Variants in NUP153 observed in about 807,000 individuals in gnomAD.
NUP153 encodes the protein nuclear pore complex protein Nup153.
A neutral mutation model predicts 134.6 loss-of-function variants in NUP153; 27 were observed. The observed-to-expected ratio is 0.20, with a 90% CI of 0.15 to 0.28. The LOEUF is 0.28. Ranked by LOEUF, NUP153 falls within the 10% of genes least tolerant of loss-of-function variation. The probability of loss-of-function intolerance (pLI) is 1.00; values close to 1 mark genes in which losing one functional copy is unlikely to be tolerated. For synonymous variants in NUP153, 640 were observed against 623.5 expected (o/e 1.03, Z -0.40); for missense variants, 1,821 against 1,731.3 (o/e 1.05, Z -0.92).
At chr6:17,642,887 G>A (rs1765904110) in intron 14 of NUP153, among the ~76,000 whole-genome samples, 1 of 152,156 alleles carries the variant, frequency 6.6e-6, no homozygotes, top group African/African-American at 2.4e-5. Flanking sequence ...TAAGAACCTT[G>A]AAACCACTGT....
In NUP153 at chr6:17,666,429, C is replaced by T. The variant is rs6914067; in HGVS notation, c.1069-1044G>A. ...ATTCAGGAGGCTGAGGCAGGAGAAT[C>T]GTTTGAACCCGGAGGCAGAGCTTTC... On this transcript the variant is annotated intron_variant, in intron 8 of 21. Transcript: ENST00000262077. 2.4e-3 allele frequency among the ~76,000 whole-genome samples: 369 copies of T among 152,182 alleles called. 5 individuals are homozygous for T. Among genetic ancestry groups the T allele is most frequent in the African/African-American group, 8.2e-3 (342 of 41,540 alleles).
chr6:17,697,070 C>CAA (rs11363029), intron 1 of NUP153, among the ~76,000 whole-genome samples: 1 of 127,036 alleles, frequency 7.9e-6, no homozygotes, highest in Non-Finnish European at 1.7e-5. Flanking sequence ...GACTCCGTCT[C>CAA]AAAAAAAAAA....
intron 2 of NUP153, among the ~76,000 whole-genome samples, chr6:17,678,576 CAGTA>C (rs1463539570): frequency 5.3e-5 from 8 of 152,262 alleles, no homozygotes; most frequent in East Asian, 1.9e-4. Flanking sequence ...ATGCTCTCCT[CAGTA>C]AGTATTTTGT....
At chr6:17,686,196 A>G (rs969812846) in intron 2 of NUP153, among the ~76,000 whole-genome samples, 1 of 151,944 alleles carries the variant, frequency 6.6e-6, no homozygotes, top group Non-Finnish European at 1.5e-5. Flanking sequence ...AACTGTAAAC[A>G]GCCTTAGGTA....
intron 8 of NUP153, among the ~76,000 whole-genome samples, chr6:17,666,888 T>C (rs747363662): frequency 2.7e-4 from 41 of 152,300 alleles, no homozygotes; most frequent in Non-Finnish European, 4.9e-4. Flanking sequence ...AGCCTCTGTA[T>C]GGTTACTAAC....
intron 8 of NUP153, among the ~76,000 whole-genome samples, chr6:17,667,094 T>C (rs1372401399): frequency 6.6e-6 from 1 of 152,230 alleles, no homozygotes; most frequent in East Asian, 1.9e-4. Flanking sequence ...TGATAAGAAC[T>C]TACATTATGA....
intron 2 of NUP153, among the ~76,000 whole-genome samples, chr6:17,685,810 T>A (rs1244512119): frequency 2.6e-5 from 4 of 152,110 alleles, no homozygotes; most frequent in South Asian, 2.1e-4. Flanking sequence ...ATGTACTTAC[T>A]ATACCTTTTA....
chr6:17,654,625 T>G (rs1766702661), intron 11 of NUP153, among the ~76,000 whole-genome samples: 1 of 152,182 alleles, frequency 6.6e-6, no homozygotes, highest in Non-Finnish European at 1.5e-5. Context: ...CAGCTGACCT[T>G]GAACCAATTC....
At chr6:17,705,319 A>C (rs12194669) in intron 1 of NUP153, among the ~76,000 whole-genome samples, 1 of 152,158 alleles carries the variant, frequency 6.6e-6, no homozygotes, top group African/African-American at 2.4e-5. Context: ...CTAACAATCA[A>C]TATTTTAAAA....
intron 5 of NUP153, among the ~76,000 whole-genome samples, chr6:17,672,100 A>G (rs2113830392): frequency 6.6e-6 from 1 of 152,306 alleles, no homozygotes; most frequent in Middle Eastern, 3.4e-3. Flanking sequence ...GACCTAAAAA[A>G]GCCAAAACAA....
At chr6:17,695,738 G>A (rs1041762864) in intron 1 of NUP153, among the ~76,000 whole-genome samples, 18 of 152,174 alleles carry the variant, frequency 1.2e-4, no homozygotes, top group Non-Finnish European at 1.9e-4. Flanking sequence ...GGCTGGGCAC[G>A]GTGGCTCACG....
chr6:17,621,025 C>T (rs1344455989), intron 20 of NUP153, among the ~76,000 whole-genome samples: 1 of 150,984 alleles, frequency 6.6e-6, no homozygotes, highest in African/African-American at 2.4e-5. Flanking sequence ...AAAACAAAAA[C>T]AACCAAATAA....
intron 17 of NUP153, among the ~76,000 whole-genome samples, chr6:17,630,505 C>CA (rs889529365): frequency 7.9e-5 from 12 of 151,526 alleles, no homozygotes; most frequent in South Asian, 4.2e-4. Flanking sequence ...ACTAAAAATA[C>CA]AAAAAAAATC....
Position 17,629,487 on chromosome 6 carries a change from T to C in NUP153, c.2712A>G (p.Lys904=). Reference sequence around the variant, plus strand: ...CAGAAGAGGATGATGAGACACCAAATTTGAAGGATGAGGAGGCTGCTGAGT... The same window carrying C: ...CAGAAGAGGATGATGAGACACCAAACTTGAAGGATGAGGAGGCTGCTGAGT... ...SSNSAASSSF[K]FGVSSSSSGP... is the part of the protein sequence containing the mutation. The change falls in exon 18 of 22, where the codon AAA becomes AAG. Residue 904 remains lysine (K), a synonymous_variant. Transcript: ENST00000262077. 2 of 1,607,816 alleles carry C rather than the reference T, an allele frequency of 1.2e-6. No individual in the cohort carries two copies. The highest frequency in any genetic ancestry group is 1.1e-5 in the South Asian group (1 of 89,340).
Position 17,644,362 on chromosome 6 carries a change from ACCC to A in NUP153, c.1720+1702_1720+1704del, listed in dbSNP as rs141972554. 8.0e-3 allele frequency among the ~76,000 whole-genome samples: 1,218 copies of A among 152,056 alleles called. 9 individuals are homozygous for A. Among genetic ancestry groups the A allele is most frequent in the African/African-American group, 0.026 (1,071 of 41,476 alleles). On this transcript the variant is annotated intron_variant, in intron 14 of 21. Transcript: ENST00000262077. ...CTATCACTATACTCACATCCATCTC[ACCC>A]CCAAGTAAAAATCATTCAACATCTC... is the stretch of plus-strand genomic sequence containing the variant.
At chr6:17,618,232 C>A (rs1462727245) in intron 20 of NUP153, among the ~76,000 whole-genome samples, 1 of 152,170 alleles carries the variant, frequency 6.6e-6, no homozygotes, top group Non-Finnish European at 1.5e-5. Flanking sequence ...AATTCAAGAT[C>A]TGTAAGCCCT....
Position 17,706,248 on chromosome 6 carries a change from C to G in NUP153, c.111+29G>C, listed in dbSNP as rs546053145. 1 of 1,571,806 alleles carries G rather than the reference C, an allele frequency of 6.4e-7. No individual in the cohort carries two copies. Among genetic ancestry groups the G allele is most frequent in the East Asian group, 2.2e-5 (1 of 44,572 alleles). On this transcript the variant is annotated intron_variant, in intron 1 of 21. Transcript: ENST00000262077. This position sits in a 1 kb window ranked among gnomAD's most constrained non-coding sequence, Gnocchi z 5.9. Reference sequence around the variant, plus strand: ...CCTCCAGCCGAGTTTCCCCACCCGCCAGGCCACCGCGGCGTCGGGGTCCCA... The same window carrying G: ...CCTCCAGCCGAGTTTCCCCACCCGCGAGGCCACCGCGGCGTCGGGGTCCCA...
Position 17,615,994 on chromosome 6 carries a change from T to TATA in NUP153, c.*102_*103insTAT. 1 of 812,930 alleles carries TATA rather than the reference T, an allele frequency of 1.2e-6. No individual in the cohort carries two copies. Among genetic ancestry groups the TATA allele is most frequent in the African/African-American group, 1.7e-5 (1 of 57,734 alleles). 50.4% of individuals were successfully genotyped at this position (812,930 alleles called of 1,614,324 possible). A position where few individuals can be genotyped will look rare whatever the true frequency, so the allele number is the denominator to read the frequency against. On this transcript the variant is annotated 3_prime_UTR_variant, in exon 22 of 22. Coordinates refer to ENST00000262077, the MANE Select transcript of NUP153 (RefSeq NM_005124.4). The surrounding 1 kb of genome is among the most constrained non-coding windows in gnomAD (Gnocchi z 5.7). ...AAAATTCCAAAATTAAAGAAGTCCT[T>TATA]AGGCAGATCTGACTTCAGATAACCC... is the stretch of plus-strand genomic sequence containing the variant.
At chr6:17,679,218 C>T (rs182824985) in intron 2 of NUP153, among the ~76,000 whole-genome samples, 222 of 151,954 alleles carry the variant, frequency 1.5e-3, no homozygotes, top group African/African-American at 5.2e-3. Context: ...AAAATCAACA[C>T]AAAAAAATGT....
Sources: allele counts gnomAD v4.1 joint callset (sites outside exome capture counted in the v4.1 genomes callset), GRCh38; gene constraint gnomAD v4.1.1; non-coding constraint Gnocchi (gnomAD v3.1); transcripts MANE v1.5; gene names NCBI Gene and HGNC (gene_info 2026-07-23, HGNC 2026-07-21).